Variants in OR2M4 observed in about 807,000 individuals in gnomAD.
The protein encoded by OR2M4 is olfactory receptor 2M4.
Under a neutral mutation model 13.7 loss-of-function variants are expected in OR2M4, and 8 were observed. The observed-to-expected ratio is 0.58, with a 90% CI of 0.34 to 1.05. The LOEUF is 1.05. Ranked by LOEUF, OR2M4 falls within the 50% of genes least tolerant of loss-of-function variation. OR2M4 has a pLI of 0.02. For synonymous variants in OR2M4, 152 were observed against 141.3 expected (o/e 1.08, Z -0.53); for missense variants, 374 against 381.6 (o/e 0.98, Z 0.17).
rs373784139 is a variant in OR2M4, at chr1:248,240,286, G to T, written c.*422G>T. The T allele has an allele frequency of 6.5e-6, 1 of 154,032 alleles. No individual in the cohort carries two copies. Among genetic ancestry groups the T allele is most frequent in the Non-Finnish European group, 1.4e-5 (1 of 69,426 alleles). 9.5% of individuals were successfully genotyped at this position (154,032 alleles called of 1,614,324 possible). ...TTTGCCCATCCTCAAACCCAAGAAT[G>T]ACTATTTTAATACTGATTCTTCTTT... On this transcript the variant is annotated 3_prime_UTR_variant, in exon 2 of 2. Coordinates refer to ENST00000641868, the MANE Select transcript of OR2M4 (RefSeq NM_017504.2).
At chr1:248,232,112 A>G (rs531222684) in intron 1 of OR2M4, among the ~76,000 whole-genome samples, 34 of 152,282 alleles carry the variant, frequency 2.2e-4, no homozygotes, top group South Asian at 8.3e-4. Context: ...CACTCCCACA[A>G]AGTACCCAGT....
intron 1 of OR2M4, among the ~76,000 whole-genome samples, chr1:248,235,703 AG>A (rs1298872354): frequency 1.3e-5 from 2 of 152,094 alleles, no homozygotes; most frequent in African/African-American, 4.8e-5. Flanking sequence ...TTCTCTTTGA[AG>A]GGGCCCTTCA....
In OR2M4 at chr1:248,237,959, C is replaced by T. The variant is rs537925751; in HGVS notation, c.-19-951C>T. 2.6e-5 allele frequency among the ~76,000 whole-genome samples: 4 copies of T among 152,232 alleles called. No individual in the cohort carries two copies. In the East Asian group the frequency reaches 7.7e-4, roughly 29 times the overall value. On this transcript the variant is annotated intron_variant, in intron 1 of 1. Coordinates refer to ENST00000641868, the MANE Select transcript of OR2M4 (RefSeq NM_017504.2). ...GATGTTTATCCGATTTGATTTATAA[C>T]ACTTTATTGTAAAAAGAAGAAATCA...
rs545901067 is a variant in OR2M4 at position 248,243,326 on chromosome 1, C to T, written c.*3462C>T. 24 of 152,192 alleles carry T rather than the reference C, an allele frequency of 1.6e-4. 1 individual carries two copies. Among genetic ancestry groups the T allele is most frequent in the African/African-American group, 5.3e-4 (22 of 41,530 alleles). 9.4% of individuals were successfully genotyped at this position (152,192 alleles called of 1,614,324 possible). Reference sequence around the variant, plus strand: ...GTAGATGGCGCCTAAGAGTAATGCCCGTAGAGAGGCTCTTGATCGGCCACT... The same window carrying T: ...GTAGATGGCGCCTAAGAGTAATGCCTGTAGAGAGGCTCTTGATCGGCCACT... On this transcript the variant is annotated 3_prime_UTR_variant, in exon 2 of 2. Coordinates refer to ENST00000641868, the MANE Select transcript of OR2M4 (RefSeq NM_017504.2).
At chr1:248,236,330 T>C (rs945940309) in intron 1 of OR2M4, among the ~76,000 whole-genome samples, 6 of 152,026 alleles carry the variant, frequency 3.9e-5, no homozygotes, top group Non-Finnish European at 7.4e-5. Context: ...ATAATTAAAT[T>C]GAGACAGAAA....
At position 248,231,863 on chromosome 1, in the gene OR2M4, A is replaced by G. The variant is rs960503018; in HGVS notation, c.-20+283A>G. On this transcript the variant is annotated intron_variant, in intron 1 of 1. Transcript: ENST00000641868. ...TACTAAAAATGAAGGAAAAGAAGAAAGAGAGACATAGTATTCTTAATGGTT... is the reference window on the plus strand; with the variant it reads ...TACTAAAAATGAAGGAAAAGAAGAAGGAGAGACATAGTATTCTTAATGGTT... 3.3e-5 allele frequency among the ~76,000 whole-genome samples: 5 copies of G among 152,178 alleles called. 1 individual carries two copies. The highest frequency in any genetic ancestry group is 3.3e-4 in the Admixed American group (5 of 15,288).
chr1:248,239,452 A>G lies in OR2M4; in HGVS notation c.524A>G (p.His175Arg). Residue 175 changes from histidine to arginine, a missense_variant, in exon 2 of 2, where the codon CAT becomes CGT. His to Arg is a conservative substitution (Grantham distance 29). Transcript: ENST00000641868. The part of the protein sequence containing the change: ...SFSYCSSLEI[H>R]HFFCDVAALL... Reference sequence around the variant, plus strand: ...TCTTACTGCAGCTCTCTGGAAATTCATCACTTTTTCTGTGATGTTGCTGCC... The same window carrying G: ...TCTTACTGCAGCTCTCTGGAAATTCGTCACTTTTTCTGTGATGTTGCTGCC... The G allele has an allele frequency of 6.2e-7, 1 of 1,614,090 alleles. No individual in the cohort carries two copies.
intron 1 of OR2M4, among the ~76,000 whole-genome samples, chr1:248,235,599 C>T (rs1009627395): frequency 2.6e-5 from 4 of 152,084 alleles, no homozygotes; most frequent in African/African-American, 9.7e-5. Context: ...GCAGTATAGC[C>T]ATTTTCATGA....
At chr1:248,233,414 T>C (rs1666522998) in intron 1 of OR2M4, among the ~76,000 whole-genome samples, 1 of 152,158 alleles carries the variant, frequency 6.6e-6, no homozygotes, top group Non-Finnish European at 1.5e-5. Flanking sequence ...ACTTATGGGA[T>C]GAGTCATGGA....
At chr1:248,234,473 A>G (rs1472325956) in intron 1 of OR2M4, among the ~76,000 whole-genome samples, 1 of 151,928 alleles carries the variant, frequency 6.6e-6, no homozygotes, top group Non-Finnish European at 1.5e-5. Flanking sequence ...AACAGGCCCC[A>G]GGGTGTGTTG....
Position 248,239,354 on chromosome 1 carries a change from C to A in OR2M4, c.426C>A (p.Val142=). ...YTILMNPKLC[V]FMTVASWTLG... Reference sequence around the variant, plus strand: ...TCCTCATGAATCCGAAACTCTGTGTCTTCATGACTGTTGCTTCCTGGACCT... The same window carrying A: ...TCCTCATGAATCCGAAACTCTGTGTATTCATGACTGTTGCTTCCTGGACCT... The change falls in exon 2 of 2, where the codon GTC becomes GTA. Residue 142 remains valine, a synonymous_variant. Coordinates refer to ENST00000641868, the MANE Select transcript of OR2M4 (RefSeq NM_017504.2). 6.2e-7 allele frequency: 1 copy of A among 1,614,094 alleles called. No individual in the cohort carries two copies. The highest frequency in any genetic ancestry group is 1.1e-5 in the South Asian group (1 of 91,082).
chr1:248,239,667 G>A lies in OR2M4; in HGVS notation c.739G>A (p.Val247Met), dbSNP rs1454628233. The A allele has an allele frequency of 1.9e-6, 3 of 1,613,950 alleles. No homozygotes were observed. Among genetic ancestry groups the A allele is most frequent in the South Asian group, 1.1e-5 (1 of 91,082 alleles). Residue 247 changes from valine (V) to methionine (M), a missense_variant, in exon 2 of 2, where the codon GTG becomes ATG. Coordinates refer to ENST00000641868, the MANE Select transcript of OR2M4 (RefSeq NM_017504.2). The part of the protein sequence containing the change: ...AFTTCSSHLS[V>M]VGLYYGAAMF... ...CACTACCTGCTCCTCCCACCTGTCT[G>A]TGGTCGGACTCTACTACGGTGCTGC...
intron 1 of OR2M4, 144 bp from the exon 2 acceptor site, chr1:248,238,766 C>T: frequency 1.7e-6 from 1 of 588,566 alleles, no homozygotes. Flanking sequence ...CTAATCCACA[C>T]AATTTACCAT....
intron 1 of OR2M4, among the ~76,000 whole-genome samples, chr1:248,235,291 G>A (rs1370490102): frequency 6.6e-6 from 1 of 152,062 alleles, no homozygotes; most frequent in Non-Finnish European, 1.5e-5. Flanking sequence ...TTTTTGTCAG[G>A]TTTGTCAAAG....
intron 1 of OR2M4, among the ~76,000 whole-genome samples, chr1:248,232,068 A>G (rs1472008468): frequency 6.6e-6 from 1 of 152,140 alleles, no homozygotes; most frequent in Non-Finnish European, 1.5e-5. Context: ...ACCCAGTGTA[A>G]ATTTTTAGTT....
At chr1:248,234,460 C>G (rs963254928) in intron 1 of OR2M4, among the ~76,000 whole-genome samples, 2 of 152,094 alleles carry the variant, frequency 1.3e-5, no homozygotes, top group Non-Finnish European at 2.9e-5. Flanking sequence ...CCTCAACCCC[C>G]TTAACAGGCC....
rs2103023578 is a variant in OR2M4 at position 248,240,758 on chromosome 1, G to T, written c.*894G>T. 6.6e-6 allele frequency: 1 copy of T among 152,352 alleles called. No individual in the cohort carries two copies. The highest frequency in any genetic ancestry group is 2.1e-4 in the South Asian group (1 of 4,822). 9.4% of individuals were successfully genotyped at this position (152,352 alleles called of 1,614,324 possible). On this transcript the variant is annotated 3_prime_UTR_variant, in exon 2 of 2. Transcript: ENST00000641868. Reference sequence around the variant, plus strand: ...AGAGGTAGAAAAAACAACTTGAACAGACAATGCCACCCCTCTCTCACCACT... The same window carrying T: ...AGAGGTAGAAAAAACAACTTGAACATACAATGCCACCCCTCTCTCACCACT...
rs900773555 is a variant in OR2M4, at chr1:248,242,756, A to G, written c.*2892A>G. The G allele has an allele frequency of 3.9e-5, 6 of 152,230 alleles. No individual in the cohort carries two copies. Among genetic ancestry groups the G allele is most frequent in the African/African-American group, 1.2e-4 (5 of 41,452 alleles). The allele number at this position is 152,230 out of a possible 1,614,324, so 9.4% of individuals were successfully genotyped here. On this transcript the variant is annotated 3_prime_UTR_variant, in exon 2 of 2. Transcript: ENST00000641868. ...GACTTATCTGTGATCTACTAAGAGA[A>G]GTATGAAAATTGAGCTTGAAATGGA...
intron 1 of OR2M4, among the ~76,000 whole-genome samples, chr1:248,233,487 T>G (rs7526036): frequency 0.034 from 5,169 of 152,152 alleles, 254 homozygotes; most frequent in African/African-American, 0.11. Flanking sequence ...TTCCACAGAA[T>G]AAATTTGAAA....
Sources: gnomAD v4.1 joint callset for allele counts (sites outside exome capture counted in the v4.1 genomes callset) on GRCh38, gnomAD v4.1.1 for gene constraint, MANE v1.5 for transcripts, NCBI Gene and HGNC (gene_info 2026-07-23, HGNC 2026-07-21) for gene names.